The following BRINP3 variants were observed in gnomAD, a reference collection of about 807,000 sequenced individuals.
BRINP3 encodes the protein BMP/retinoic acid-inducible neural-specific protein 3.
A neutral mutation model predicts 71.0 loss-of-function variants in BRINP3; 19 were observed. The ratio of observed to expected loss-of-function variants is 0.27; its 90% CI spans 0.19 to 0.39. The LOEUF is 0.39. Among genes scored for constraint, BRINP3 ranks in the 10% least tolerant of loss-of-function variants. BRINP3 has a pLI of 1.00. For synonymous variants in BRINP3, 380 were observed against 337.7 expected (o/e 1.13, Z -1.37); for missense variants, 959 against 940.8 (o/e 1.02, Z -0.25).
chr1:190,223,992 AAC>A (rs1657111535), intron 6 of BRINP3, among the ~76,000 whole-genome samples: 1 of 151,828 alleles, frequency 6.6e-6, no homozygotes, highest in Admixed American at 6.6e-5. Context: ...AGTACAAGAA[AAC>A]ACACAAATAA....
At chr1:190,388,908 A>T (rs1671076389) in intron 2 of BRINP3, among the ~76,000 whole-genome samples, 1 of 151,742 alleles carries the variant, frequency 6.6e-6, no homozygotes, top group Non-Finnish European at 1.5e-5. Flanking sequence ...ATCCAAGTAG[A>T]TAGGAAAGAT....
At chr1:190,373,947 G>T (rs549244925) in intron 2 of BRINP3, among the ~76,000 whole-genome samples, 1 of 151,060 alleles carries the variant, frequency 6.6e-6, no homozygotes, top group South Asian at 2.1e-4. Context: ...GTAGTGTAGC[G>T]TAGCCCAAGA....
intron 7 of BRINP3, among the ~76,000 whole-genome samples, chr1:190,101,680 T>A (rs985221343): frequency 3.9e-5 from 6 of 152,188 alleles, no homozygotes; most frequent in African/African-American, 9.6e-5. Flanking sequence ...CCTATCCAGA[T>A]GAAAATTATA....
At chr1:190,270,994 T>C (rs1237145913) in intron 3 of BRINP3, among the ~76,000 whole-genome samples, 6 of 151,766 alleles carry the variant, frequency 4.0e-5, no homozygotes, top group African/African-American at 7.2e-5. Flanking sequence ...AAACATTTGA[T>C]CCAATTAACC....
intron 2 of BRINP3, among the ~76,000 whole-genome samples, chr1:190,341,199 G>A (rs892432522): frequency 1.3e-5 from 2 of 151,746 alleles, no homozygotes; most frequent in Non-Finnish European, 2.9e-5. Context: ...CTTCACATTG[G>A]TTAGTTGAAC....
chr1:190,472,468 C>T (rs1677199683), intron 1 of BRINP3, among the ~76,000 whole-genome samples: 1 of 151,444 alleles, frequency 6.6e-6, no homozygotes, highest in Non-Finnish European at 1.5e-5. Flanking sequence ...TTTCTAAAAA[C>T]AATATGTGTG....
At chr1:190,122,738 A>C (rs1300848670) in intron 7 of BRINP3, among the ~76,000 whole-genome samples, 1 of 152,188 alleles carries the variant, frequency 6.6e-6, no homozygotes, top group Admixed American at 6.6e-5. Context: ...ATACAAAAAA[A>C]CCTTGATTTC....
chr1:190,464,529 G>A (rs1676611496), intron 1 of BRINP3, among the ~76,000 whole-genome samples: 1 of 151,856 alleles, frequency 6.6e-6, no homozygotes. Flanking sequence ...ACTACGTAAT[G>A]CACTGTCTTA....
chr1:190,460,241 G>C (rs1473396048), intron 1 of BRINP3, among the ~76,000 whole-genome samples: 3 of 150,304 alleles, frequency 2.0e-5, no homozygotes, highest in Non-Finnish European at 4.4e-5. Flanking sequence ...AATTATAAAT[G>C]TTAGAATTAT....
chr1:190,391,355 TAGTC>T (rs1558244465), intron 2 of BRINP3, among the ~76,000 whole-genome samples: 1 of 151,766 alleles, frequency 6.6e-6, no homozygotes, highest in African/African-American at 2.4e-5. Flanking sequence ...CAGTGCCTCA[TAGTC>T]AGTAACTGAT....
At chr1:190,410,935 A>G (rs1490461411) in intron 2 of BRINP3, among the ~76,000 whole-genome samples, 4 of 152,116 alleles carry the variant, frequency 2.6e-5, no homozygotes, top group Non-Finnish European at 4.4e-5. Context: ...AAATCCCAAC[A>G]GTTTTTTAAA....
intron 2 of BRINP3, among the ~76,000 whole-genome samples, chr1:190,322,958 C>A (rs1666342657): frequency 6.6e-6 from 1 of 151,940 alleles, no homozygotes; most frequent in Non-Finnish European, 1.5e-5. Context: ...CACATTTTTA[C>A]ACATTCAAAG....
intron 2 of BRINP3, among the ~76,000 whole-genome samples, chr1:190,453,519 G>A (rs948922889): frequency 3.3e-5 from 5 of 151,860 alleles, no homozygotes; most frequent in African/African-American, 1.2e-4. Context: ...GCCCAGCCTC[G>A]TCATTTCATT....
chr1:190,392,181 C>A (rs756600099), intron 2 of BRINP3, among the ~76,000 whole-genome samples: 2 of 151,546 alleles, frequency 1.3e-5, no homozygotes, highest in African/African-American at 2.4e-5. Flanking sequence ...GATCTCAATG[C>A]TCCATATCAT....
rs181677916 is a variant in BRINP3, at chr1:190,415,334, A to C, written c.236+39321T>G. 9.8e-5 allele frequency among the ~76,000 whole-genome samples: 15 copies of C among 152,342 alleles called. No homozygotes were observed. In the East Asian group the frequency reaches 2.9e-3, roughly 29 times the overall value. On this transcript the variant is annotated intron_variant, in intron 2 of 7. Transcript: ENST00000367462. Reference sequence around the variant, plus strand: ...ATAAGTGACTATATGTTGAAGAAGCATGATAAAACAAGGATAAATATTGTG... The same window carrying C: ...ATAAGTGACTATATGTTGAAGAAGCCTGATAAAACAAGGATAAATATTGTG...
At chr1:190,259,535 T>C (rs1660979227) in intron 4 of BRINP3, among the ~76,000 whole-genome samples, 1 of 150,688 alleles carries the variant, frequency 6.6e-6, no homozygotes, top group African/African-American at 2.4e-5. Context: ...TCCTAGATAA[T>C]AATGAGAGAA....
intron 2 of BRINP3, among the ~76,000 whole-genome samples, chr1:190,335,050 C>T (rs1667200566): frequency 6.6e-6 from 1 of 151,824 alleles, no homozygotes; most frequent in Non-Finnish European, 1.5e-5. Context: ...CTCCCTATTG[C>T]TTTTTCCCTT....
rs1664489057 is a variant in BRINP3, at chr1:190,299,277, A to G, written c.237-17527T>C. On this transcript the variant is annotated intron_variant, in intron 2 of 7. Coordinates refer to ENST00000367462, the MANE Select transcript of BRINP3 (RefSeq NM_199051.3). ...TTCCACCAATGTCTGTATTTTAATTAGTGTATGTATACCATCTCTATTTAA... is the reference window on the plus strand; with the variant it reads ...TTCCACCAATGTCTGTATTTTAATTGGTGTATGTATACCATCTCTATTTAA... Among the ~76,000 whole-genome samples the G allele has an allele frequency of 1.3e-5, 2 of 152,014 alleles. 1 individual carries two copies. Among genetic ancestry groups the G allele is most frequent in the South Asian group, 4.1e-4 (2 of 4,822 alleles).
At chr1:190,211,989 A>C (rs200330358) in intron 6 of BRINP3, among the ~76,000 whole-genome samples, 1 of 152,158 alleles carries the variant, frequency 6.6e-6, no homozygotes, top group East Asian at 1.9e-4. Context: ...CCTCCCTGGT[A>C]CTGGAGATAG....
Sources: allele counts gnomAD v4.1 joint callset (sites outside exome capture counted in the v4.1 genomes callset), GRCh38; gene constraint gnomAD v4.1.1; transcripts MANE v1.5; gene names NCBI Gene and HGNC (gene_info 2026-07-23, HGNC 2026-07-21).